Variants in NAA35 observed in about 807,000 individuals in gnomAD.
NAA35 encodes the protein MAK10 homolog, amino-acid N-acetyltransferase subunit.
In NAA35, 18 loss-of-function variants were observed where a neutral mutation model predicts 101.7. That is an observed-to-expected ratio of 0.18 (90% CI 0.12 to 0.26). The LOEUF (loss-of-function observed/expected upper bound fraction) is 0.26. Ranked by LOEUF, NAA35 falls within the 10% of genes least tolerant of loss-of-function variation. The pLI is 1.00. For missense variants in NAA35, 601 were observed against 886.8 expected, an observed-to-expected ratio of 0.68 and a Z score of 4.09; for synonymous variants, 267 against 273.1, an observed-to-expected ratio of 0.98 and a Z score of 0.22.
At chr9:85,944,655 A>C (rs1828680228) in intron 2 of NAA35, among the ~76,000 whole-genome samples, 1 of 152,200 alleles carries the variant, frequency 6.6e-6, no homozygotes, top group Non-Finnish European at 1.5e-5. Flanking sequence ...AGTTCAAAGT[A>C]CCTTGATTCA....
chr9:85,985,064 C>T (rs1564306987), intron 11 of NAA35, among the ~76,000 whole-genome samples: 1 of 152,298 alleles, frequency 6.6e-6, no homozygotes, highest in East Asian at 1.9e-4. Context: ...TGTGCAACAA[C>T]ATTAGTCTTC....
At chr9:86,019,831 CAT>C (rs1279207505) in intron 21 of NAA35, among the ~76,000 whole-genome samples, 1 of 152,100 alleles carries the variant, frequency 6.6e-6, no homozygotes, top group Non-Finnish European at 1.5e-5. Context: ...GACATGAACA[CAT>C]ATAGGAAGTG....
intron 6 of NAA35, among the ~76,000 whole-genome samples, chr9:85,974,020 G>C (rs969703479): frequency 6.6e-6 from 1 of 151,828 alleles, no homozygotes; most frequent in African/African-American, 2.4e-5. Context: ...GCAGTGGCTC[G>C]ATCTCTGCTC....
Position 86,022,004 on chromosome 9 carries a change from A to T in NAA35, c.*44A>T. ...CCATAAAGGGGCAGAGTCTTCTTTC[A>T]GACCCAACTCTTAGAGGGCACATCA... On this transcript the variant is annotated 3_prime_UTR_variant, in exon 23 of 23. Coordinates refer to ENST00000361671, the MANE Select transcript of NAA35 (RefSeq NM_024635.4). 1 of 1,493,000 alleles carries T rather than the reference A, an allele frequency of 6.7e-7. No homozygotes were observed. Among genetic ancestry groups the T allele is most frequent in the African/African-American group, 1.4e-5 (1 of 71,846 alleles). 92.5% of individuals were successfully genotyped at this position (1,493,000 alleles called of 1,614,324 possible).
At chr9:85,946,458 C>T (rs995463625) in intron 2 of NAA35, among the ~76,000 whole-genome samples, 2 of 152,106 alleles carry the variant, frequency 1.3e-5, no homozygotes, top group African/African-American at 4.8e-5. Context: ...ATCTGGAGCC[C>T]AGGAGTAATC....
In NAA35 at chr9:86,023,251, TA is replaced by T. The variant is rs67412652; in HGVS notation, c.*1292del. The stretch of plus-strand genomic sequence containing the variant: ...AGAACCGAAAAATCTTAAAAAAAAT[TA>T]TTTTTTAAGTAGCCTGTACAATAGA... On this transcript the variant is annotated 3_prime_UTR_variant, in exon 23 of 23. Coordinates refer to ENST00000361671, the MANE Select transcript of NAA35 (RefSeq NM_024635.4). 9.2e-5 allele frequency among the ~76,000 whole-genome samples: 14 copies of T among 152,260 alleles called. No individual in the cohort carries two copies. Among genetic ancestry groups the T allele is most frequent in the African/African-American group, 3.4e-4 (14 of 41,526 alleles).
intron 6 of NAA35, among the ~76,000 whole-genome samples, chr9:85,965,369 A>G (rs983932880): frequency 1.1e-4 from 16 of 152,312 alleles, no homozygotes; most frequent in African/African-American, 2.9e-4. Flanking sequence ...GCTCATGCCT[A>G]TTAATCCCAG....
At chr9:85,949,299 C>CT (rs56828555) in intron 2 of NAA35, among the ~76,000 whole-genome samples, 9,465 of 140,002 alleles carry the variant, frequency 0.068, 1,037 homozygotes, top group African/African-American at 0.23. Flanking sequence ...TTTTCTTTTT[C>CT]TTTTTTTTTT....
chr9:86,020,414 G>T (rs1337773993), intron 21 of NAA35, among the ~76,000 whole-genome samples: 1 of 151,854 alleles, frequency 6.6e-6, no homozygotes, highest in African/African-American at 2.4e-5. Flanking sequence ...AGCAAGATAA[G>T]GTAGCCATTT....
intron 15 of NAA35, among the ~76,000 whole-genome samples, chr9:86,011,310 G>A (rs1718495806): frequency 2.0e-5 from 3 of 151,778 alleles, no homozygotes; most frequent in Admixed American, 1.3e-4. Flanking sequence ...AGGAAAAAAT[G>A]CAAATCTTGT....
intron 11 of NAA35, among the ~76,000 whole-genome samples, chr9:85,984,316 G>A (rs1334580780): frequency 6.6e-6 from 1 of 151,534 alleles, no homozygotes; most frequent in African/African-American, 2.4e-5. Flanking sequence ...ACGACAGTGA[G>A]AGACCCTGTC....
Position 86,018,615 on chromosome 9 carries a change from G to C in NAA35, c.1915-84G>C, listed in dbSNP as rs1832350694. The C allele has an allele frequency of 2.6e-6, 4 of 1,520,610 alleles. No homozygotes were observed. In the East Asian group the frequency reaches 9.0e-5, roughly 34 times the overall value. 94.2% of individuals were successfully genotyped at this position (1,520,610 alleles called of 1,614,324 possible). On this transcript the variant is annotated intron_variant, in intron 20 of 22. Transcript: ENST00000361671. ...GTCTGTGTATGAGTGGATAGAAAAT[G>C]TAGAATTCTTTAATAATTAGAAATG...
At chr9:85,990,840 A>T (rs1202667413) in intron 11 of NAA35, among the ~76,000 whole-genome samples, 1 of 152,200 alleles carries the variant, frequency 6.6e-6, no homozygotes, top group African/African-American at 2.4e-5. Context: ...TACTTGTAGC[A>T]GGGTGAGGCC....
rs769394868 is a variant in NAA35 at position 86,018,857 on chromosome 9, C to T, written c.2037+36C>T. Reference sequence around the variant, plus strand: ...ATTCACAGTAATTCTAGGGGAAAAGCGTGGCAGGAAATACATCTCTTACTG... The same window carrying T: ...ATTCACAGTAATTCTAGGGGAAAAGTGTGGCAGGAAATACATCTCTTACTG... On this transcript the variant is annotated intron_variant, in intron 21 of 22. Coordinates refer to ENST00000361671, the MANE Select transcript of NAA35 (RefSeq NM_024635.4). The T allele has an allele frequency of 8.7e-6, 14 of 1,603,780 alleles. No homozygotes were observed. In the East Asian group the frequency reaches 1.6e-4, roughly 18 times the overall value.
intron 13 of NAA35, among the ~76,000 whole-genome samples, chr9:86,004,941 A>G (rs965984085): frequency 2.6e-5 from 4 of 152,224 alleles, no homozygotes; most frequent in African/African-American, 4.8e-5. Flanking sequence ...GGCCAGCTCT[A>G]TGTAGTGTCT....
intron 11 of NAA35, among the ~76,000 whole-genome samples, chr9:85,988,895 A>G (rs1354991902): frequency 6.6e-6 from 1 of 152,192 alleles, no homozygotes; most frequent in Non-Finnish European, 1.5e-5. Flanking sequence ...AAGTAATAGC[A>G]AAAGAAGTCT....
intron 2 of NAA35, among the ~76,000 whole-genome samples, chr9:85,955,885 T>C (rs765636316): frequency 1.3e-5 from 2 of 152,218 alleles, no homozygotes; most frequent in Non-Finnish European, 2.9e-5. Context: ...AACACTGTTT[T>C]GATTACCTGT....
In NAA35 at chr9:85,943,918, A is replaced by G. The variant is rs774415287; in HGVS notation, c.124+1635A>G. 3.9e-5 allele frequency among the ~76,000 whole-genome samples: 6 copies of G among 152,222 alleles called. 1 individual carries two copies. The highest frequency in any genetic ancestry group is 7.3e-5 in the Non-Finnish European group (5 of 68,044). ...GGTTTTTATGTTAGGGGAACAGTAA[A>G]TAATTTTACTTGGCCACAAAACAAT... On this transcript the variant is annotated intron_variant, in intron 2 of 22. Transcript: ENST00000361671.
intron 2 of NAA35, among the ~76,000 whole-genome samples, chr9:85,955,999 T>G (rs1829258344): frequency 6.6e-6 from 1 of 152,222 alleles, no homozygotes; most frequent in African/African-American, 2.4e-5. Flanking sequence ...TAACGTGGTT[T>G]AAAAACTTGA....
Sources: gnomAD v4.1 joint callset for allele counts (sites outside exome capture counted in the v4.1 genomes callset) on GRCh38, gnomAD v4.1.1 for gene constraint, MANE v1.5 for transcripts, NCBI Gene and HGNC (gene_info 2026-07-23, HGNC 2026-07-21) for gene names.